EYS: variants seen among roughly 807,000 people sequenced by gnomAD.
EYS encodes the protein EGF-like photoreceptor maintenance factor.
In EYS, 250 loss-of-function variants were observed where a neutral mutation model predicts 282.1. The ratio of observed to expected loss-of-function variants is 0.89; its 90% CI spans 0.80 to 0.98. EYS has a LOEUF of 0.98. EYS is among the 50% of genes least tolerant of loss of function. The probability of loss-of-function intolerance (pLI) is 0.00; values close to 1 mark genes in which losing one functional copy is unlikely to be tolerated. For missense variants in EYS, 4,016 were observed against 3,709.0 expected, an observed-to-expected ratio of 1.08 and a Z score of -2.15; for synonymous variants, 1,355 against 1,282.9, an observed-to-expected ratio of 1.06 and a Z score of -1.20.
rs181495745 is a variant in EYS, at chr6:64,012,095, T to G, written c.6726-12912A>C. The stretch of plus-strand genomic sequence containing the variant: ...TCCTTTCATTTTCTTAGTTAAATGT[T>G]AAAAATGAATGCAAAAATGTCTATC... On this transcript the variant is annotated intron_variant, in intron 33 of 42. Coordinates refer to ENST00000503581, the MANE Select transcript of EYS (RefSeq NM_001142800.2). 2.9e-3 allele frequency among the ~76,000 whole-genome samples: 439 copies of G among 151,916 alleles called. 2 individuals are homozygous for G. The highest frequency in any genetic ancestry group is 0.01 in the African/African-American group (425 of 41,358).
At chr6:64,849,067 T>A (rs1035393325) in intron 19 of EYS, among the ~76,000 whole-genome samples, 8 of 151,908 alleles carry the variant, frequency 5.3e-5, no homozygotes, top group Admixed American at 5.3e-4. Context: ...TCATTTACCA[T>A]CAAAAAACAA....
chr6:64,426,767 T>C (rs1395120991), intron 28 of EYS, among the ~76,000 whole-genome samples: 1 of 152,170 alleles, frequency 6.6e-6, no homozygotes, highest in Non-Finnish European at 1.5e-5. Flanking sequence ...GTGACCATTC[T>C]GTTCTAAACT....
chr6:64,823,177 T>C (rs1280612266), intron 19 of EYS, among the ~76,000 whole-genome samples: 1 of 151,914 alleles, frequency 6.6e-6, no homozygotes, highest in Non-Finnish European at 1.5e-5. Flanking sequence ...GTCAAACGTT[T>C]ATTACCTACA....
chr6:65,538,080 G>T (rs2127317502), intron 2 of EYS, among the ~76,000 whole-genome samples: 1 of 152,166 alleles, frequency 6.6e-6, no homozygotes, highest in East Asian at 1.9e-4. Flanking sequence ...AACTTGATTA[G>T]GTGAGTTGTT....
intron 5 of EYS, among the ~76,000 whole-genome samples, chr6:65,476,074 T>C (rs1292090011): frequency 6.6e-6 from 1 of 151,894 alleles, no homozygotes. Flanking sequence ...TAAAAAAAAA[T>C]TTAAAAAAAA....
intron 33 of EYS, among the ~76,000 whole-genome samples, chr6:64,000,182 T>TCAG (rs1405238270): frequency 0.017 from 1,421 of 83,626 alleles, 177 homozygotes; most frequent in African/African-American, 0.044. Context: ...TTTTTTTTTT[T>TCAG]TTTTTTTTTT....
In EYS at chr6:65,369,628, T is replaced by G. The variant is rs750897877; in HGVS notation, c.1299+14758A>C. Among the ~76,000 whole-genome samples, 82 of 151,344 alleles carry G rather than the reference T, an allele frequency of 5.4e-4. 1 individual carries two copies. The highest frequency in any genetic ancestry group is 3.4e-4 in the Admixed American group (5 of 14,728). Reference sequence around the variant, plus strand: ...TCCACTTTCTGCAACCTAAACTTCCTCTAAGGAAGAATTTTTCAACCACAA... The same window carrying G: ...TCCACTTTCTGCAACCTAAACTTCCGCTAAGGAAGAATTTTTCAACCACAA... On this transcript the variant is annotated intron_variant, in intron 8 of 42. Transcript: ENST00000503581.
At chr6:65,137,956 A>C (rs1398111309) in intron 12 of EYS, among the ~76,000 whole-genome samples, 3 of 152,098 alleles carry the variant, frequency 2.0e-5, no homozygotes, top group Non-Finnish European at 4.4e-5. Flanking sequence ...CACCTTGGGC[A>C]GAAAAGAGAC....
chr6:64,489,478 T>C (rs1776672268), intron 26 of EYS, among the ~76,000 whole-genome samples: 1 of 148,932 alleles, frequency 6.7e-6, no homozygotes, highest in Non-Finnish European at 1.5e-5. Flanking sequence ...GAAAAAAGTA[T>C]GCCAATATTG....
intron 26 of EYS, among the ~76,000 whole-genome samples, chr6:64,527,004 A>T (rs1777942396): frequency 6.6e-6 from 1 of 151,846 alleles, no homozygotes; most frequent in Non-Finnish European, 1.5e-5. Context: ...CATACTGTGG[A>T]TCATAGTTTT....
chr6:64,547,689 G>A (rs1317743632), intron 26 of EYS, among the ~76,000 whole-genome samples: 1 of 152,236 alleles, frequency 6.6e-6, no homozygotes, highest in Non-Finnish European at 1.5e-5. Context: ...TGGGGCTGCA[G>A]GTGGAGTTGC....
At chr6:64,675,431 T>C (rs1252241514) in intron 22 of EYS, among the ~76,000 whole-genome samples, 1 of 140,496 alleles carries the variant, frequency 7.1e-6, no homozygotes, top group Non-Finnish European at 1.5e-5. Context: ...TTTTTTTCTT[T>C]TTTTTTTTTT....
chr6:64,124,784 CAT>C (rs1463039626), intron 31 of EYS, among the ~76,000 whole-genome samples: 2 of 152,128 alleles, frequency 1.3e-5, no homozygotes, highest in African/African-American at 4.8e-5. Context: ...AATAATCAAA[CAT>C]AATCAGAAAT....
At chr6:64,672,593 T>C (rs1752486908) in intron 22 of EYS, among the ~76,000 whole-genome samples, 1 of 152,166 alleles carries the variant, frequency 6.6e-6, no homozygotes, top group Non-Finnish European at 1.5e-5. Flanking sequence ...CTCTAAAATA[T>C]ATAATTTCAA....
intron 5 of EYS, among the ~76,000 whole-genome samples, chr6:65,478,106 T>C (rs1257474370): frequency 1.3e-5 from 2 of 152,116 alleles, no homozygotes; most frequent in Non-Finnish European, 2.9e-5. Context: ...GTCAAGAACT[T>C]TGCAAATCAG....
chr6:64,641,492 A>G (rs1459492950), intron 22 of EYS, among the ~76,000 whole-genome samples: 2 of 152,328 alleles, frequency 1.3e-5, no homozygotes, highest in South Asian at 2.1e-4. Flanking sequence ...GACCAAATCA[A>G]TGAATGGGTT....
chr6:64,957,540 C>G (rs1376119219), intron 14 of EYS, among the ~76,000 whole-genome samples: 3 of 151,776 alleles, frequency 2.0e-5, no homozygotes, highest in Non-Finnish European at 4.4e-5. Flanking sequence ...TGCCTATAGT[C>G]AATAACAACT....
intron 16 of EYS, among the ~76,000 whole-genome samples, chr6:64,910,123 A>C (rs1265834991): frequency 6.6e-6 from 1 of 152,116 alleles, no homozygotes; most frequent in East Asian, 1.9e-4. Flanking sequence ...CCAACAACTT[A>C]CAAAGAGATC....
chr6:64,252,300 C>T (rs1262827100), intron 30 of EYS, among the ~76,000 whole-genome samples: 1 of 152,030 alleles, frequency 6.6e-6, no homozygotes, highest in Middle Eastern at 3.2e-3. Flanking sequence ...GAAACCTGAG[C>T]GTAATCCTTT....
Sources: allele counts gnomAD v4.1 joint callset (sites outside exome capture counted in the v4.1 genomes callset), GRCh38; gene constraint gnomAD v4.1.1; transcripts MANE v1.5; gene names NCBI Gene and HGNC (gene_info 2026-07-23, HGNC 2026-07-21).